The following ZFYVE26 variants were observed in gnomAD, a reference collection of about 807,000 sequenced individuals.
ZFYVE26 encodes the protein zinc finger FYVE domain-containing protein 26.
A neutral mutation model predicts 276.5 loss-of-function variants in ZFYVE26; 181 were observed. That is an observed-to-expected ratio of 0.65 (90% CI 0.58 to 0.74). ZFYVE26 has a LOEUF of 0.74. ZFYVE26 is among the 30% of genes least tolerant of loss of function. The pLI is 0.00. For missense variants in ZFYVE26, 2,821 were observed against 3,097.9 expected, an observed-to-expected ratio of 0.91 and a Z score of 2.12; for synonymous variants, 1,129 against 1,203.1, an observed-to-expected ratio of 0.94 and a Z score of 1.27.
intron 21 of ZFYVE26, 84 bp downstream of exon 21, chr14:67,782,696 C>A: frequency 6.3e-7 from 1 of 1,583,080 alleles, no homozygotes; most frequent in Middle Eastern, 1.7e-4. Flanking sequence ...TCTAGAGTTA[C>A]CGTGAGGATT....
intron 27 of ZFYVE26, among the ~76,000 whole-genome samples, chr14:67,773,811 T>C (rs761883861): frequency 6.6e-6 from 1 of 152,188 alleles, no homozygotes; most frequent in African/African-American, 2.4e-5. Flanking sequence ...ATGTAAAACA[T>C]AGTGACTCTT....
intron 23 of ZFYVE26, among the ~76,000 whole-genome samples, chr14:67,778,512 A>C (rs1375153821): frequency 6.6e-6 from 1 of 152,276 alleles, no homozygotes; most frequent in African/African-American, 2.4e-5. Context: ...AAGACTGTTT[A>C]AAGGACATAG....
intron 25 of ZFYVE26, 38 bp downstream of exon 25, chr14:67,777,521 C>G: frequency 6.3e-7 from 1 of 1,595,852 alleles, no homozygotes; most frequent in Non-Finnish European, 8.5e-7. Flanking sequence ...TACCTTGGAT[C>G]CCACATACAG....
chr14:67,812,489 C>T (rs950605270), intron 3 of ZFYVE26, among the ~76,000 whole-genome samples: 1 of 152,188 alleles, frequency 6.6e-6, no homozygotes, highest in Non-Finnish European at 1.5e-5. Flanking sequence ...AAGGCACCTT[C>T]AGGATAATGA....
chr14:67,809,787 T>C (rs1387418140), intron 3 of ZFYVE26, among the ~76,000 whole-genome samples: 2 of 27,842 alleles, frequency 7.2e-5, no homozygotes, highest in African/African-American at 1.5e-4. Context: ...TTTCTCTTTT[T>C]TTTTTTTTTT....
At chr14:67,769,044 G>C (rs1377823273) in intron 29 of ZFYVE26, among the ~76,000 whole-genome samples, 1 of 152,174 alleles carries the variant, frequency 6.6e-6, no homozygotes, top group Non-Finnish European at 1.5e-5. Context: ...GGAAACAATT[G>C]AGCAACACTG....
chr14:67,768,502 G>A lies in ZFYVE26; in HGVS notation c.5653+15C>T, dbSNP rs368787907. 1.1e-5 allele frequency: 18 copies of A among 1,613,738 alleles called. No individual in the cohort carries two copies. Among genetic ancestry groups the A allele is most frequent in the East Asian group, 2.2e-5 (1 of 44,888 alleles). On this transcript the variant is annotated intron_variant, in intron 30 of 41. Transcript: ENST00000347230. Reference sequence around the variant, plus strand: ...ACACAAATGAAGAGTCACAGAGAACGGGATTTGGCCTTACCTTCTGGTTTT... The same window carrying A: ...ACACAAATGAAGAGTCACAGAGAACAGGATTTGGCCTTACCTTCTGGTTTT...
intron 10 of ZFYVE26, 105 bp from the exon 11 acceptor site, chr14:67,798,727 CATTT>C (rs1388878425): frequency 7.7e-6 from 11 of 1,422,662 alleles, no homozygotes; most frequent in South Asian, 7.3e-5. Context: ...AACTTTAGCT[CATTT>C]ATTTATTTTT....
chr14:67,808,625 G>A (rs181570), intron 4 of ZFYVE26, among the ~76,000 whole-genome samples: 105,084 of 151,656 alleles, frequency 0.69, 36,863 homozygotes, highest in East Asian at 0.98. Context: ...GATGGTACTC[G>A]ATGATGCCAC....
rs10687512 is a variant in ZFYVE26 at position 67,759,622 on chromosome 14, C to CAAAAAAAAAAAAAA, written c.6588+1730_6588+1743dup. 4.7e-5 allele frequency among the ~76,000 whole-genome samples: 5 copies of CAAAAAAAAAAAAAA among 107,044 alleles called. 1 individual carries two copies. Among genetic ancestry groups the CAAAAAAAAAAAAAA allele is most frequent in the African/African-American group, 1.9e-4 (5 of 26,800 alleles). 70.2% of individuals were successfully genotyped at this position (107,044 alleles called of 152,430 possible). On this transcript the variant is annotated intron_variant, in intron 35 of 41. Transcript: ENST00000347230. ...CTGGCAACAGAGCAAGACTCTGGCT[C>CAAAAAAAAAAAAAA]AAAAAAAAAAAAAAAAAGTGCATGG...
chr14:67,731,951 C>A (rs1476614730), intron 13 of ZFYVE26, among the ~76,000 whole-genome samples: 2 of 151,418 alleles, frequency 1.3e-5, no homozygotes, highest in South Asian at 2.1e-4. Flanking sequence ...CGTGGTGTAA[C>A]CCCATCTCTA....
chr14:67,808,563 G>A (rs1332882318), intron 4 of ZFYVE26, among the ~76,000 whole-genome samples: 1 of 152,006 alleles, frequency 6.6e-6, no homozygotes, highest in Non-Finnish European at 1.5e-5. Flanking sequence ...GGTACAGGGA[G>A]AGAAGGGGGT....
intron 3 of ZFYVE26, 62 bp from the exon 4 acceptor site, chr14:67,809,351 A>C: frequency 8.0e-7 from 1 of 1,245,324 alleles, no homozygotes; most frequent in South Asian, 1.2e-5. Context: ...ACAAATTATA[A>C]TTAAATATTT....
At position 67,786,234 on chromosome 14, in the gene ZFYVE26, C is replaced by T. The variant is rs1555397638; in HGVS notation, c.3020-1G>A. On this transcript the variant is annotated splice_acceptor_variant, in intron 16 of 41. Transcript: ENST00000347230. LOFTEE classifies it high-confidence loss of function. Reference sequence around the variant, plus strand: ...AGGAGTACGTGGTCTATCCGTCGACCTGGAAATAGATGAAGGAAGAGGGAA... The same window carrying T: ...AGGAGTACGTGGTCTATCCGTCGACTTGGAAATAGATGAAGGAAGAGGGAA... 1 of 1,306,414 alleles carries T rather than the reference C, an allele frequency of 7.7e-7. No individual in the cohort carries two copies. Among genetic ancestry groups the T allele is most frequent in the Non-Finnish European group, 1.0e-6 (1 of 954,232 alleles). 80.9% of individuals were successfully genotyped at this position (1,306,414 alleles called of 1,614,324 possible).
chr14:67,746,235 A>T (rs962457024), downstream of ZFYVE26, among the ~76,000 whole-genome samples: 2 of 152,046 alleles, frequency 1.3e-5, no homozygotes, highest in African/African-American at 4.8e-5. Flanking sequence ...GGTGGAAGGG[A>T]CTTTTCACTT....
At position 67,748,643 on chromosome 14, in the gene ZFYVE26, GCAGTCAGTTATAAGAGA is replaced by G. The variant is rs747768786; in HGVS notation, c.7417-21_7417-5del. On this transcript the variant is annotated splice_region_variant and splice_polypyrimidine_tract_variant and intron_variant, in intron 41 of 41. Coordinates refer to ENST00000347230, the MANE Select transcript of ZFYVE26 (RefSeq NM_015346.4). ...AACATATCAGGTAGGCCCGAACCTG[GCAGTCAGTTATAAGAGA>G]CAGCGGAAAGGCATCCATCACCGAC... 1.9e-6 allele frequency: 3 copies of G among 1,613,686 alleles called. No individual in the cohort carries two copies. In the African/African-American group the frequency reaches 4.0e-5, roughly 22 times the overall value.
At chr14:67,800,924 T>TAAACATAA (rs59890733) in intron 10 of ZFYVE26, among the ~76,000 whole-genome samples, 116 of 148,726 alleles carry the variant, frequency 7.8e-4, no homozygotes, top group Non-Finnish European at 1.5e-3. Context: ...AAAGTTACCG[T>TAAACATAA]ATAAATAAAT....
chr14:67,763,301 T>G (rs2140195472), intron 32 of ZFYVE26, among the ~76,000 whole-genome samples: 1 of 152,350 alleles, frequency 6.6e-6, no homozygotes, highest in Middle Eastern at 3.4e-3. Flanking sequence ...AGTAGCTCTA[T>G]GACCTGGGGC....
chr14:67,806,573 T>C lies in ZFYVE26; in HGVS notation c.989A>G (p.Asn330Ser), dbSNP rs769019636. The C allele has an allele frequency of 1.2e-6, 2 of 1,614,252 alleles. No homozygotes were observed. The highest frequency in any genetic ancestry group is 1.7e-6 in the Non-Finnish European group (2 of 1,180,032). Residue 330 changes from asparagine (N) to serine (S), a missense_variant, in exon 6 of 42, where the codon AAC becomes AGC. Transcript: ENST00000347230. Reference sequence around the variant, plus strand: ...AATCTGCTCGAGGAAGTGTTTGTTGTTGCTCAGGCAGTAGAAATAGGCCAC... The same window carrying C: ...AATCTGCTCGAGGAAGTGTTTGTTGCTGCTCAGGCAGTAGAAATAGGCCAC... Reference protein sequence around the residue: ...WKVAYFYCLSNNKHFLEQILV... With the variant: ...WKVAYFYCLSSNKHFLEQILV...
Sources: gnomAD v4.1 joint callset for allele counts (sites outside exome capture counted in the v4.1 genomes callset) on GRCh38, gnomAD v4.1.1 for gene constraint, MANE v1.5 for transcripts, NCBI Gene and HGNC (gene_info 2026-07-23, HGNC 2026-07-21) for gene names.